The following PHF10 variants were observed in gnomAD, a reference collection of about 807,000 sequenced individuals.
PHF10 encodes BRG1-associated factor 45a.
PHF10 carries 51 observed loss-of-function variants against 68.5 expected under a neutral mutation model. The ratio of observed to expected loss-of-function variants is 0.74; its 90% CI spans 0.59 to 0.94. The LOEUF (loss-of-function observed/expected upper bound fraction) is 0.94. PHF10 is among the 40% of genes least tolerant of loss of function. The pLI is 0.00. For missense variants in PHF10, 460 were observed against 602.6 expected (o/e 0.76, Z 2.48); for synonymous variants, 204 against 203.5 (o/e 1.00, Z -0.02).
At chr6:169,721,486 A>C (rs937511067) in intron 1 of PHF10, among the ~76,000 whole-genome samples, 1 of 152,198 alleles carries the variant, frequency 6.6e-6, no homozygotes, top group Non-Finnish European at 1.5e-5. Context: ...TCATAGGACT[A>C]TTTTAATTGA....
intron 4 of PHF10, 183 bp downstream of exon 4, chr6:169,717,640 G>A (rs1042420749): frequency 6.0e-6 from 3 of 504,100 alleles, no homozygotes; most frequent in Non-Finnish European, 3.5e-6. Flanking sequence ...AACCACATGT[G>A]TGTTCAAGCT....
intron 4 of PHF10, among the ~76,000 whole-genome samples, chr6:169,717,026 G>T (rs1187914869): frequency 6.6e-6 from 1 of 152,208 alleles, no homozygotes; most frequent in African/African-American, 2.4e-5. Flanking sequence ...GACCAAGGTG[G>T]GTGGATCACA....
At chr6:169,715,585 A>G in intron 6 of PHF10, 123 bp downstream of exon 6, 1 of 895,920 alleles carries the variant, frequency 1.1e-6, no homozygotes. Context: ...AAAACAAACA[A>G]ACAAACAAAA....
chr6:169,707,850 A>T (rs1355526224), intron 9 of PHF10: 1 of 152,232 alleles, frequency 6.6e-6, no homozygotes, highest in Non-Finnish European at 1.5e-5. Flanking sequence ...GAAGGGGAAG[A>T]GAGACAGCTT....
At position 169,703,987 on chromosome 6, in the gene PHF10, A is replaced by G. The variant is rs1237808133; in HGVS notation, c.*16T>C. Reference sequence around the variant, plus strand: ...TCCACTTAAATGCATATACAGTATTAGAGTCAAAAACTATTTTATCCCTCT... The same window carrying G: ...TCCACTTAAATGCATATACAGTATTGGAGTCAAAAACTATTTTATCCCTCT... On this transcript the variant is annotated 3_prime_UTR_variant, in exon 12 of 12. Coordinates refer to ENST00000339209, the MANE Select transcript of PHF10 (RefSeq NM_018288.4). The G allele has an allele frequency of 3.8e-6, 6 of 1,573,900 alleles. No homozygotes were observed. Among genetic ancestry groups the G allele is most frequent in the Non-Finnish European group, 5.2e-6 (6 of 1,154,102 alleles).
chr6:169,714,655 T>C, intron 7 of PHF10, 78 bp downstream of exon 7: 1 of 763,008 alleles, frequency 1.3e-6, no homozygotes, highest in African/African-American at 1.7e-5. Context: ...ACCCCAAAAT[T>C]GTTAGGAGGC....
intron 6 of PHF10, among the ~76,000 whole-genome samples, chr6:169,715,385 G>T (rs940927259): frequency 6.6e-6 from 1 of 152,140 alleles, no homozygotes; most frequent in African/African-American, 2.4e-5. Context: ...GGCCAACATG[G>T]TAAAACACCA....
intron 1 of PHF10, among the ~76,000 whole-genome samples, chr6:169,721,928 G>A (rs1789188519): frequency 6.6e-6 from 1 of 152,146 alleles, no homozygotes; most frequent in African/African-American, 2.4e-5. Flanking sequence ...TCCTGCAAAA[G>A]AATATAAAGA....
chr6:169,710,629 C>T (rs889689256), intron 8 of PHF10, among the ~76,000 whole-genome samples: 5 of 152,168 alleles, frequency 3.3e-5, no homozygotes, highest in African/African-American at 1.2e-4. Context: ...TCAGTGCCTT[C>T]ATCAACTTTG....
At position 169,721,121 on chromosome 6, in the gene PHF10, TAA is replaced by T. The variant is rs760603261; in HGVS notation, c.88-12_88-11del. The T allele has an allele frequency of 4.9e-5, 67 of 1,363,736 alleles. No homozygotes were observed. In the African/African-American group the frequency reaches 9.3e-4, roughly 19 times the overall value. The allele number at this position is 1,363,736 out of a possible 1,614,324, so 84.5% of individuals were successfully genotyped here. ...TATCTTCATTATCATCCTATACATT[TAA>T]AAGATTCAAAAATAATAATTAGAGA... On this transcript the variant is annotated splice_polypyrimidine_tract_variant and intron_variant, in intron 1 of 11. Transcript: ENST00000339209.
At position 169,715,871 on chromosome 6, in the gene PHF10, A is replaced by G. The variant is rs1562987579; in HGVS notation, c.544-14T>C. The stretch of plus-strand genomic sequence containing the variant: ...TTGTTGCATTTGCTGGAAAAAAAAA[A>G]TACAGTTGGAAGTCACATATAACTT... On this transcript the variant is annotated splice_polypyrimidine_tract_variant and intron_variant, in intron 5 of 11. Transcript: ENST00000339209. 2 of 1,603,400 alleles carry G rather than the reference A, an allele frequency of 1.2e-6. No individual in the cohort carries two copies.
chr6:169,722,868 T>G (rs1049032305), intron 1 of PHF10, among the ~76,000 whole-genome samples: 4 of 152,200 alleles, frequency 2.6e-5, no homozygotes, highest in African/African-American at 4.8e-5. Flanking sequence ...CAGGGGGCAC[T>G]GGCTCAGTGC....
intron 9 of PHF10, chr6:169,708,262 T>A (rs773114807): frequency 2.0e-5 from 3 of 152,200 alleles, no homozygotes; most frequent in Non-Finnish European, 4.4e-5. Flanking sequence ...TAGATTTTAA[T>A]TATTGTATTT....
chr6:169,706,936 C>T (rs1405794894), intron 9 of PHF10: 1 of 152,134 alleles, frequency 6.6e-6, no homozygotes, highest in Non-Finnish European at 1.5e-5. Flanking sequence ...AAATGTCTCA[C>T]TGCCACCTTC....
chr6:169,710,863 G>C (rs1421106582), intron 8 of PHF10, among the ~76,000 whole-genome samples: 1 of 150,380 alleles, frequency 6.6e-6, no homozygotes, highest in Non-Finnish European at 1.5e-5. Flanking sequence ...AGTCCTTCAA[G>C]TACACATTTG....
chr6:169,707,607 A>T (rs1585298274), intron 9 of PHF10: 1 of 152,242 alleles, frequency 6.6e-6, no homozygotes, highest in African/African-American at 2.4e-5. Context: ...AACTCCTCAC[A>T]GGAGATTCTT....
In PHF10 at chr6:169,705,641, T is replaced by C. The variant is rs200825555; in HGVS notation, c.1197A>G (p.Ile399Met). The C allele has an allele frequency of 2.2e-5, 33 of 1,523,512 alleles. No individual in the cohort carries two copies. The East Asian group carries it at 3.4e-4, about 16-fold the overall frequency. The allele number at this position is 1,523,512 out of a possible 1,614,324, so 94.4% of individuals were successfully genotyped here. A position where few individuals can be genotyped will look rare whatever the true frequency, so the allele number is the denominator to read the frequency against. The change falls in exon 10 of 12, where the codon ATA becomes ATG. Residue 399 changes from isoleucine to methionine, a missense_variant. Transcript: ENST00000339209. ...CACTATTCTCACATTGGGAGCAGTG[T>C]ATAAGTGATTCAGCCTTTCCTTTCT... The part of the protein sequence containing the change: ...SNKKGKAESL[I>M]HCSQCENSGH...
chr6:169,708,627 A>G (rs1168889607), intron 9 of PHF10: 1 of 152,196 alleles, frequency 6.6e-6, no homozygotes, highest in Non-Finnish European at 1.5e-5. Flanking sequence ...AATTTTGCAT[A>G]TCCTACTTGA....
intron 2 of PHF10, 92 bp downstream of exon 2, chr6:169,720,913 T>C (rs538847741): frequency 2.1e-5 from 14 of 658,134 alleles, no homozygotes; most frequent in South Asian, 1.4e-4. Flanking sequence ...TTTTTAATAA[T>C]TGCCTTTGCC....
Sources: allele counts gnomAD v4.1 joint callset (sites outside exome capture counted in the v4.1 genomes callset), GRCh38; gene constraint gnomAD v4.1.1; transcripts MANE v1.5; gene names NCBI Gene and HGNC (gene_info 2026-07-23, HGNC 2026-07-21).